The following UNC13C variants were observed in gnomAD, a reference collection of about 807,000 sequenced individuals.
UNC13C encodes protein unc-13 homolog C.
In UNC13C, 174 loss-of-function variants were observed where a neutral mutation model predicts 245.4. The observed-to-expected ratio is 0.71, with a 90% confidence interval of 0.63 to 0.80. UNC13C has a LOEUF of 0.80. Among genes scored for constraint, UNC13C ranks in the 30% least tolerant of loss-of-function variants. The pLI is 0.00. For synonymous variants in UNC13C, 992 were observed against 895.1 expected, an observed-to-expected ratio of 1.11 and a Z score of -1.93; for missense variants, 2,829 against 2,602.9, an observed-to-expected ratio of 1.09 and a Z score of -1.89.
At chr15:54,412,460 C>T (rs1174063334) in intron 18 of UNC13C, among the ~76,000 whole-genome samples, 1 of 152,094 alleles carries the variant, frequency 6.6e-6, no homozygotes, top group Non-Finnish European at 1.5e-5. Flanking sequence ...AGGAAACTGC[C>T]CCCATGGGGA....
the UNC13C span, among the ~76,000 whole-genome samples, chr15:53,948,816 C>T: frequency 6.6e-6 from 1 of 151,762 alleles, no homozygotes; most frequent in African/African-American, 2.4e-5. Flanking sequence ...ACAGCTGACA[C>T]AGAGTAGGAA....
At chr15:54,433,341 A>T (rs921678972) in intron 19 of UNC13C, among the ~76,000 whole-genome samples, 1 of 152,104 alleles carries the variant, frequency 6.6e-6, no homozygotes, top group African/African-American at 2.4e-5. Flanking sequence ...TCAATAAAGT[A>T]CTGGCAAACC....
chr15:53,975,326 G>A (rs951476777), upstream of UNC13C, among the ~76,000 whole-genome samples: 2 of 152,134 alleles, frequency 1.3e-5, no homozygotes, highest in African/African-American at 4.8e-5. Context: ...AGCTAGAAAT[G>A]CCAACTTGCT....
chr15:54,290,722 A>G (rs746469297), intron 10 of UNC13C, among the ~76,000 whole-genome samples: 13 of 152,106 alleles, frequency 8.5e-5, no homozygotes, highest in Non-Finnish European at 1.8e-4. Flanking sequence ...CCTTGCTTTT[A>G]TAGCAAAAAC....
At chr15:54,594,461 G>T (rs1449551620) in intron 30 of UNC13C, among the ~76,000 whole-genome samples, 1 of 152,052 alleles carries the variant, frequency 6.6e-6, no homozygotes, top group East Asian at 1.9e-4. Flanking sequence ...GCAGGGCTAG[G>T]TGTGTCTGAG....
At chr15:54,330,653 G>A (rs1291323795) in intron 14 of UNC13C, among the ~76,000 whole-genome samples, 1 of 151,972 alleles carries the variant, frequency 6.6e-6, no homozygotes, top group Non-Finnish European at 1.5e-5. Context: ...ACTAATTATT[G>A]TAGTGATTCT....
At chr15:53,908,151 A>G in the UNC13C span, among the ~76,000 whole-genome samples, 1 of 146,452 alleles carries the variant, frequency 6.8e-6, no homozygotes, top group Non-Finnish European at 1.5e-5. Context: ...GTCCCTGTTC[A>G]GTGTTAGGTG....
chr15:54,184,308 C>T (rs2033898785), intron 4 of UNC13C, among the ~76,000 whole-genome samples: 1 of 151,888 alleles, frequency 6.6e-6, no homozygotes, highest in South Asian at 2.1e-4. Flanking sequence ...GGTACGTGTG[C>T]ACAACGTGCG....
chr15:54,605,443 A>C (rs28368978), intron 30 of UNC13C, among the ~76,000 whole-genome samples: 5,969 of 152,190 alleles, frequency 0.039, 217 homozygotes, highest in Admixed American at 0.12. Flanking sequence ...AGCTCTCAAA[A>C]ATACTCTTTT....
intron 9 of UNC13C, among the ~76,000 whole-genome samples, chr15:54,265,108 A>T (rs2036519794): frequency 6.6e-6 from 1 of 152,010 alleles, no homozygotes; most frequent in Non-Finnish European, 1.5e-5. Context: ...TATATAGCTA[A>T]TATGTATATG....
chr15:54,407,489 A>G (rs1042700449), intron 18 of UNC13C, among the ~76,000 whole-genome samples: 1 of 152,230 alleles, frequency 6.6e-6, no homozygotes, highest in Non-Finnish European at 1.5e-5. Flanking sequence ...AAAAAGTACC[A>G]TAGAGTGGAG....
intron 1 of UNC13C, among the ~76,000 whole-genome samples, chr15:53,996,781 G>A (rs1450049623): frequency 6.7e-6 from 1 of 149,864 alleles, no homozygotes; most frequent in Non-Finnish European, 1.5e-5. Context: ...ACATGCAGTA[G>A]TGGTTCATTA....
At chr15:53,898,829 C>A in the UNC13C span, among the ~76,000 whole-genome samples, 4 of 152,228 alleles carry the variant, frequency 2.6e-5, no homozygotes, top group South Asian at 8.3e-4. Flanking sequence ...TTCAAGTATA[C>A]AATACAGTAT....
chr15:54,325,171 A>G (rs778449150), intron 14 of UNC13C, among the ~76,000 whole-genome samples: 2 of 152,052 alleles, frequency 1.3e-5, no homozygotes, highest in African/African-American at 4.8e-5. Flanking sequence ...AAGAGGTTCA[A>G]TAATTGAGCA....
At chr15:53,898,335 A>T in the UNC13C span, among the ~76,000 whole-genome samples, 1 of 152,204 alleles carries the variant, frequency 6.6e-6, no homozygotes, top group Non-Finnish European at 1.5e-5. Flanking sequence ...TCAGGGTAAG[A>T]TGGTAAGGTT....
intron 26 of UNC13C, among the ~76,000 whole-genome samples, chr15:54,534,988 G>A (rs62022424): frequency 0.097 from 14,769 of 152,142 alleles, 901 homozygotes; most frequent in African/African-American, 0.17. Flanking sequence ...GCACTATAAA[G>A]TAACTACACA....
intron 2 of UNC13C, among the ~76,000 whole-genome samples, chr15:54,088,640 A>C (rs1259857743): frequency 6.6e-6 from 1 of 152,018 alleles, no homozygotes; most frequent in Non-Finnish European, 1.5e-5. Context: ...CTTTCTCTAC[A>C]CTGTTCCCCT....
intron 29 of UNC13C, among the ~76,000 whole-genome samples, chr15:54,563,836 T>C (rs17237683): frequency 0.051 from 7,815 of 152,016 alleles, 351 homozygotes; most frequent in Admixed American, 0.13. Context: ...ACTCTCCAGT[T>C]CCTTCAGAGT....
At chr15:53,911,943 C>T in the UNC13C span, 1 of 152,270 alleles carries the variant, frequency 6.6e-6, no homozygotes. Flanking sequence ...CACAAAGTGA[C>T]TATTGCTATG....
Sources: gnomAD v4.1 joint callset for allele counts (sites outside exome capture counted in the v4.1 genomes callset) on GRCh38, gnomAD v4.1.1 for gene constraint, MANE v1.5 for transcripts, NCBI Gene and HGNC (gene_info 2026-07-23, HGNC 2026-07-21) for gene names.